The following DPP6 variants were observed in gnomAD, a reference collection of about 807,000 sequenced individuals.
DPP6 encodes the protein dipeptidyl peptidase like 6.
DPP6 carries 69 observed loss-of-function variants against 122.6 expected under a neutral mutation model. The ratio of observed to expected loss-of-function variants is 0.56; its 90% CI spans 0.46 to 0.69. DPP6 has a LOEUF of 0.69. DPP6 is among the 30% of genes least tolerant of loss of function. The probability of loss-of-function intolerance (pLI) is 0.00; values close to 1 mark genes in which losing one functional copy is unlikely to be tolerated. For synonymous variants in DPP6, 418 were observed against 433.1 expected (o/e 0.97, Z 0.43); for missense variants, 928 against 1,116.9 (o/e 0.83, Z 2.41).
intron 1 of DPP6, among the ~76,000 whole-genome samples, chr7:154,227,254 TA>T (rs957593214): frequency 8.6e-5 from 1 of 11,572 alleles, no homozygotes; most frequent in East Asian, 3.3e-3. Context: ...TAATGGGTGT[TA>T]AAAAAAGAAG....
chr7:154,402,026 T>A (rs1815657356), intron 1 of DPP6, among the ~76,000 whole-genome samples: 1 of 152,006 alleles, frequency 6.6e-6, no homozygotes, highest in African/African-American at 2.4e-5. Flanking sequence ...ATCAGAGAAA[T>A]GCAAATCAAA....
At chr7:154,612,232 A>G (rs1443573743) in intron 5 of DPP6, among the ~76,000 whole-genome samples, 1 of 152,204 alleles carries the variant, frequency 6.6e-6, no homozygotes, top group Non-Finnish European at 1.5e-5. Flanking sequence ...TTAGCAGCAC[A>G]AAAAGGACTA....
intron 9 of DPP6, among the ~76,000 whole-genome samples, chr7:154,770,562 C>T (rs1014864138): frequency 6.6e-6 from 1 of 152,192 alleles, no homozygotes; most frequent in African/African-American, 2.4e-5. Flanking sequence ...GGGCCCTCGC[C>T]AGATACTGAA....
Position 154,059,167 on chromosome 7 carries a change from G to A in DPP6, c.243+6104G>A, listed in dbSNP as rs1389402581. On this transcript the variant is annotated intron_variant, in intron 1 of 25. Transcript: ENST00000377770. ...AGAGCTATCCCCTCTTCCGCCCCTG[G>A]CTGTTAATACCCCCATCGCAGGGTG... is the stretch of plus-strand genomic sequence containing the variant. The A allele has an allele frequency of 5.2e-4, 76 of 147,336 alleles. 1 individual carries two copies. Among genetic ancestry groups the A allele is most frequent in the Non-Finnish European group, 1.0e-4 (7 of 67,444 alleles). The allele number at this position is 147,336 out of a possible 1,614,324, so 9.1% of individuals were successfully genotyped here.
At chr7:154,061,626 A>G (rs1801907952) in intron 1 of DPP6, among the ~76,000 whole-genome samples, 4 of 123,842 alleles carry the variant, frequency 3.2e-5, no homozygotes, top group South Asian at 2.7e-4. Flanking sequence ...CAGGGGGGGG[A>G]GGCACCCGCT....
At chr7:154,533,862 G>A (rs1439603509) in intron 3 of DPP6, among the ~76,000 whole-genome samples, 5 of 152,158 alleles carry the variant, frequency 3.3e-5, no homozygotes, top group South Asian at 2.1e-4. Flanking sequence ...GCCAGGCATG[G>A]TGGCATGTGC....
intron 7 of DPP6, among the ~76,000 whole-genome samples, chr7:154,691,243 T>G (rs11773244): frequency 0.9 from 137,240 of 152,166 alleles, 62,584 homozygotes; most frequent in South Asian, 0.99. Flanking sequence ...GACATTGCTC[T>G]GTTTTCAATT....
intron 1 of DPP6, among the ~76,000 whole-genome samples, chr7:154,297,615 G>T (rs1805628767): frequency 6.6e-6 from 1 of 152,218 alleles, no homozygotes; most frequent in East Asian, 1.9e-4. Context: ...TGGCTTGGTT[G>T]TGCACGCCAG....
chr7:154,636,899 T>C (rs1835759285), intron 5 of DPP6, among the ~76,000 whole-genome samples: 1 of 152,204 alleles, frequency 6.6e-6, no homozygotes, highest in Non-Finnish European at 1.5e-5. Context: ...TGGTTTTAAA[T>C]GTTGGTCACT....
At chr7:154,473,172 C>T (rs899245005) in intron 2 of DPP6, among the ~76,000 whole-genome samples, 5 of 152,180 alleles carry the variant, frequency 3.3e-5, no homozygotes, top group African/African-American at 1.2e-4. Flanking sequence ...TTTTAGACTT[C>T]TTAATTGCAA....
intron 1 of DPP6, among the ~76,000 whole-genome samples, chr7:154,060,027 C>G (rs868866408): frequency 0.09 from 13,002 of 143,814 alleles, 4 homozygotes; most frequent in Admixed American, 0.17. Flanking sequence ...GGAGGCACCC[C>G]CCGCGAGGCG....
intron 1 of DPP6, among the ~76,000 whole-genome samples, chr7:154,097,800 TGGCCTCTGGCAGGA>T (rs1414063971): frequency 6.6e-6 from 1 of 152,194 alleles, no homozygotes; most frequent in Non-Finnish European, 1.5e-5. Context: ...CTCTCTTATG[TGGCCTCTGGCAGGA>T]GGCCTCGGGT....
chr7:154,310,662 C>G (rs1202514025), intron 1 of DPP6, among the ~76,000 whole-genome samples: 1 of 152,184 alleles, frequency 6.6e-6, no homozygotes, highest in Middle Eastern at 3.2e-3. Flanking sequence ...TTCAAATGCT[C>G]CATGGAGAAC....
the DPP6 span, among the ~76,000 whole-genome samples, chr7:153,757,923 C>A: frequency 6.6e-6 from 1 of 152,212 alleles, no homozygotes; most frequent in Admixed American, 6.5e-5. Context: ...CGTGCCACTG[C>A]ACTCCAGCCT....
chr7:154,142,688 CATT>C (rs1795907527), intron 1 of DPP6, among the ~76,000 whole-genome samples: 1 of 152,056 alleles, frequency 6.6e-6, no homozygotes, highest in Admixed American at 6.6e-5. Context: ...TGCCTATTCA[CATT>C]ATTAATAAAA....
intron 18 of DPP6, among the ~76,000 whole-genome samples, chr7:154,869,592 G>T (rs1025633732): frequency 3.9e-5 from 6 of 152,168 alleles, no homozygotes; most frequent in Non-Finnish European, 7.4e-5. Flanking sequence ...GTGTGGCTGG[G>T]TCTGGAGGCT....
chr7:154,037,168 T>G (rs1177241575), intron 1 of DPP6, among the ~76,000 whole-genome samples: 3 of 152,172 alleles, frequency 2.0e-5, no homozygotes, highest in Non-Finnish European at 4.4e-5. Context: ...AGAGCAGCTT[T>G]GAGCTTGGTA....
At chr7:154,500,322 T>A (rs1012637305) in intron 3 of DPP6, among the ~76,000 whole-genome samples, 12 of 152,184 alleles carry the variant, frequency 7.9e-5, no homozygotes, top group African/African-American at 2.7e-4. Flanking sequence ...AAATGATGAC[T>A]TTTGTTATGG....
the DPP6 span, among the ~76,000 whole-genome samples, chr7:153,803,305 G>T: frequency 2.0e-5 from 3 of 149,862 alleles, no homozygotes; most frequent in East Asian, 5.8e-4. Context: ...TGGGGTGTGT[G>T]TGTGAAGGCA....
Sources: gnomAD v4.1 joint callset for allele counts (sites outside exome capture counted in the v4.1 genomes callset) on GRCh38, gnomAD v4.1.1 for gene constraint, MANE v1.5 for transcripts, NCBI Gene and HGNC (gene_info 2026-07-23, HGNC 2026-07-21) for gene names.